The following SIM1 variants were observed in gnomAD, a reference collection of about 807,000 sequenced individuals.
SIM1 encodes SIM bHLH transcription factor 1, also known as single-minded homolog 1.
In SIM1, 18 loss-of-function variants were observed where a neutral mutation model predicts 78.2. The observed-to-expected ratio is 0.23, with a 90% CI of 0.16 to 0.34. The LOEUF (loss-of-function observed/expected upper bound fraction) is 0.34, where lower values mean the gene tolerates loss of function less well. SIM1 is among the 10% of genes least tolerant of loss of function. The pLI, the probability that SIM1 is intolerant of heterozygous loss-of-function variation, is 1.00. For synonymous variants in SIM1, 417 were observed against 385.2 expected, an observed-to-expected ratio of 1.08 and a Z score of -0.97; for missense variants, 939 against 975.1, an observed-to-expected ratio of 0.96 and a Z score of 0.49.
intron 10 of SIM1, among the ~76,000 whole-genome samples, chr6:100,413,913 A>G (rs1360975165): frequency 6.6e-6 from 1 of 152,168 alleles, no homozygotes; most frequent in Non-Finnish European, 1.5e-5. Flanking sequence ...ACTGTCTCCT[A>G]AAATGTTCCC....
Position 100,420,941 on chromosome 6 carries a change from C to A in SIM1, c.1016G>T (p.Gly339Val), listed in dbSNP as rs1771563399. 2 of 1,613,282 alleles carry A rather than the reference C, an allele frequency of 1.2e-6. No individual in the cohort carries two copies. Among genetic ancestry groups the A allele is most frequent in the Non-Finnish European group, 1.7e-6 (2 of 1,179,796 alleles). ...GATCTGATCCAGGGAGAGCTGCAGC[C>A]CTTTGTATTCTGTGTCTCTGCAGGG... ...NYVLTDTEYK[G>V]LQLSLDQISA... The change falls in exon 10 of 12, where the codon GGG becomes GTG. Residue 339 changes from glycine to valine, a missense_variant. Transcript: ENST00000369208.
chr6:100,425,021 C>T (rs1771689696), intron 9 of SIM1, among the ~76,000 whole-genome samples: 1 of 152,140 alleles, frequency 6.6e-6, no homozygotes, highest in African/African-American at 2.4e-5. Context: ...CCAGAATTCC[C>T]ACGTGTTGTG....
chr6:100,403,083 T>A (rs1770967290), intron 10 of SIM1, among the ~76,000 whole-genome samples: 1 of 152,214 alleles, frequency 6.6e-6, no homozygotes, highest in African/African-American at 2.4e-5. Context: ...TCTTAGAAAA[T>A]TTTTTGTCAT....
In SIM1 at chr6:100,439,209, A is replaced by G. The variant is rs1303430783; in HGVS notation, c.998+8059T>C. 4.6e-5 allele frequency among the ~76,000 whole-genome samples: 7 copies of G among 152,314 alleles called. No homozygotes were observed. The East Asian group carries it at 1.4e-3, about 29-fold the overall frequency. ...CTTAAACAAGAGCAGTGAGACCATCACTGTTTGAACCTAATTTGAAGAGTG... is the reference window on the plus strand; with the variant it reads ...CTTAAACAAGAGCAGTGAGACCATCGCTGTTTGAACCTAATTTGAAGAGTG... On this transcript the variant is annotated intron_variant, in intron 9 of 11. Coordinates refer to ENST00000369208, the MANE Select transcript of SIM1 (RefSeq NM_005068.3).
chr6:100,428,795 T>A (rs1238491336), intron 9 of SIM1, among the ~76,000 whole-genome samples: 2 of 152,068 alleles, frequency 1.3e-5, no homozygotes, highest in Non-Finnish European at 2.9e-5. Flanking sequence ...TATATACCTA[T>A]AATAAAGTTT....
intron 8 of SIM1, 35 bp from the exon 9 acceptor site, chr6:100,447,450 C>T: frequency 6.2e-7 from 1 of 1,613,602 alleles, no homozygotes; most frequent in Non-Finnish European, 8.5e-7. Context: ...GGTGGTGAAC[C>T]AGCCTGCCTG....
chr6:100,443,834 A>G (rs190864834), intron 9 of SIM1, among the ~76,000 whole-genome samples: 1 of 152,278 alleles, frequency 6.6e-6, no homozygotes, highest in Admixed American at 6.5e-5. Context: ...ATATAGGTAG[A>G]GAGAGATATA....
chr6:100,448,106 C>A, intron 8 of SIM1, 40 bp downstream of exon 8: 1 of 1,521,184 alleles, frequency 6.6e-7, no homozygotes, highest in East Asian at 2.3e-5. Context: ...CCAGCGGATG[C>A]GCCAAGGTTG....
At position 100,390,200 on chromosome 6, in the gene SIM1, A is replaced by T; in HGVS notation, c.*161T>A. On this transcript the variant is annotated 3_prime_UTR_variant, in exon 12 of 12. Coordinates refer to ENST00000369208, the MANE Select transcript of SIM1 (RefSeq NM_005068.3). ...TTTTCTGTGTATAACCCTGAATGCT[A>T]GTGCTATGTTTTCTTTGATTTTATA... 1 of 736,062 alleles carries T rather than the reference A, an allele frequency of 1.4e-6. No homozygotes were observed. Among genetic ancestry groups the T allele is most frequent in the Non-Finnish European group, 2.2e-6 (1 of 459,942 alleles). 45.6% of individuals were successfully genotyped at this position (736,062 alleles called of 1,614,324 possible). A position where few individuals can be genotyped will look rare whatever the true frequency, so the allele number is the denominator to read the frequency against.
chr6:100,419,833 G>A (rs1470491731), intron 10 of SIM1, among the ~76,000 whole-genome samples: 2 of 151,958 alleles, frequency 1.3e-5, no homozygotes, highest in Admixed American at 6.6e-5. Flanking sequence ...GCAGAGACAG[G>A]GTTTCACCAT....
intron 2 of SIM1, chr6:100,462,655 A>C (rs1772885509): frequency 6.6e-6 from 1 of 152,222 alleles, no homozygotes; most frequent in South Asian, 2.1e-4. Flanking sequence ...GGACTAGCCT[A>C]TTATCTTACA....
rs114188826 is a variant in SIM1, at chr6:100,455,689, G to A, written c.176-1845C>T. Reference sequence around the variant, plus strand: ...GCCTTAAACCCCAAAGATTGGCGGGGACGAAGGGCCGGGGCACTCGAGCGA... The same window carrying A: ...GCCTTAAACCCCAAAGATTGGCGGGAACGAAGGGCCGGGGCACTCGAGCGA... On this transcript the variant is annotated intron_variant, in intron 2 of 11. Coordinates refer to ENST00000369208, the MANE Select transcript of SIM1 (RefSeq NM_005068.3). 5.9e-3 allele frequency among the ~76,000 whole-genome samples: 892 copies of A among 152,348 alleles called. 6 individuals are homozygous for A. The highest frequency in any genetic ancestry group is 0.02 in the African/African-American group (826 of 41,596).
At chr6:100,406,122 T>C (rs757497873) in intron 10 of SIM1, among the ~76,000 whole-genome samples, 2 of 152,200 alleles carry the variant, frequency 1.3e-5, no homozygotes, top group Non-Finnish European at 2.9e-5. Context: ...CCAACTTGGA[T>C]AGATAATGTA....
chr6:100,394,968 TA>T (rs2114465625), intron 10 of SIM1, among the ~76,000 whole-genome samples: 1 of 152,256 alleles, frequency 6.6e-6, no homozygotes, highest in Non-Finnish European at 1.5e-5. Flanking sequence ...CACCAGAAAA[TA>T]ACAAGCCACA....
chr6:100,405,206 C>T (rs3798509), intron 10 of SIM1, among the ~76,000 whole-genome samples: 50,504 of 151,728 alleles, frequency 0.33, 9,450 homozygotes, highest in East Asian at 0.75. Context: ...CAATTACATA[C>T]AGTTCCTAAA....
chr6:100,451,331 T>A (rs1435449248), intron 3 of SIM1, among the ~76,000 whole-genome samples: 2 of 152,116 alleles, frequency 1.3e-5, no homozygotes, highest in Non-Finnish European at 2.9e-5. Context: ...AGTGGCCAAG[T>A]CTGCTGGGTC....
chr6:100,418,424 T>C (rs899996107), intron 10 of SIM1, among the ~76,000 whole-genome samples: 34 of 151,234 alleles, frequency 2.2e-4, no homozygotes, highest in Non-Finnish European at 1.5e-5. Flanking sequence ...TTCTACTTTC[T>C]ACTCATCTGT....
intron 2 of SIM1, among the ~76,000 whole-genome samples, chr6:100,460,666 G>A (rs989895234): frequency 1.3e-5 from 2 of 152,134 alleles, no homozygotes; most frequent in East Asian, 3.9e-4. Flanking sequence ...CATATAAAGT[G>A]ATCAGTTTCC....
rs148008919 is a variant in SIM1 at position 100,414,272 on chromosome 6, C to T, written c.1167+6518G>A. Reference sequence around the variant, plus strand: ...TGTGGCCTTGAGGCCCTATGACCAACGACATCTTATAATTCCTCTCTAACA... The same window carrying T: ...TGTGGCCTTGAGGCCCTATGACCAATGACATCTTATAATTCCTCTCTAACA... On this transcript the variant is annotated intron_variant, in intron 10 of 11. Coordinates refer to ENST00000369208, the MANE Select transcript of SIM1 (RefSeq NM_005068.3). 6.1e-3 allele frequency among the ~76,000 whole-genome samples: 926 copies of T among 152,304 alleles called. 6 individuals are homozygous for T. The highest frequency in any genetic ancestry group is 0.021 in the African/African-American group (887 of 41,570).
Sources: gnomAD v4.1 joint callset for allele counts (sites outside exome capture counted in the v4.1 genomes callset) on GRCh38, gnomAD v4.1.1 for gene constraint, MANE v1.5 for transcripts, NCBI Gene and HGNC (gene_info 2026-07-23, HGNC 2026-07-21) for gene names.